TBC1D1: variants seen among roughly 807,000 people sequenced by gnomAD.
TBC1D1 encodes the protein TBC1 domain family member 1, also known as TBC1 (tre-2/USP6, BUB2, cdc16) domain family, member 1.
A neutral mutation model predicts 125.6 loss-of-function variants in TBC1D1; 89 were observed. The ratio of observed to expected loss-of-function variants is 0.71; its 90% CI spans 0.60 to 0.85. The LOEUF (loss-of-function observed/expected upper bound fraction) is 0.85. TBC1D1 is among the 40% of genes least tolerant of loss of function. The pLI, the probability that TBC1D1 is intolerant of heterozygous loss-of-function variation, is 0.00. For missense variants in TBC1D1, 1,377 were observed against 1,469.2 expected (o/e 0.94, Z 1.03); for synonymous variants, 565 against 564.1 (o/e 1.00, Z -0.02).
At chr4:37,957,232 T>C (rs1362951002) in intron 2 of TBC1D1, among the ~76,000 whole-genome samples, 1 of 152,234 alleles carries the variant, frequency 6.6e-6, no homozygotes, top group Non-Finnish European at 1.5e-5. Context: ...GAGACAAATG[T>C]ATGATACCTG....
chr4:38,102,919 A>C (rs1014358685), intron 14 of TBC1D1, 80 bp from the exon 17 acceptor site: 33 of 1,442,586 alleles, frequency 2.3e-5, no homozygotes, highest in Non-Finnish European at 3.0e-5. Context: ...GGATAAATGG[A>C]ACATGAAACA....
At chr4:37,907,973 A>G (rs1717694542) in intron 2 of TBC1D1, among the ~76,000 whole-genome samples, 1 of 152,170 alleles carries the variant, frequency 6.6e-6, no homozygotes, top group Non-Finnish European at 1.5e-5. Context: ...TGCTTCCTTT[A>G]AAGGGACTTT....
At chr4:38,048,652 A>G (rs1268328168) in intron 10 of TBC1D1, among the ~76,000 whole-genome samples, 2 of 150,306 alleles carry the variant, frequency 1.3e-5, no homozygotes, top group Non-Finnish European at 2.9e-5. Context: ...AGATGCATTC[A>G]TTCTTGTTTA....
In TBC1D1 at chr4:38,053,094, C is replaced by G. The variant is rs1167617389; in HGVS notation, c.1911-1105C>G. On this transcript the variant is annotated intron_variant, in intron 11 of 19. Coordinates refer to ENST00000261439, the MANE Select transcript of TBC1D1 (RefSeq NM_015173.4). ...TCTTTATCCTAAACTCTTTTTTCAA[C>G]CAAACTCTTAGCATCTCCTACCGTA... 1.4e-6 allele frequency: 2 copies of G among 1,417,200 alleles called. No individual in the cohort carries two copies. The highest frequency in any genetic ancestry group is 1.8e-6 in the Non-Finnish European group (2 of 1,083,506). 87.8% of individuals were successfully genotyped at this position (1,417,200 alleles called of 1,614,324 possible).
chr4:37,935,228 C>T (rs17579011), intron 2 of TBC1D1, among the ~76,000 whole-genome samples: 46,462 of 152,004 alleles, frequency 0.31, 7,331 homozygotes, highest in East Asian at 0.5. Context: ...GCTACTCCCA[C>T]GACCTCAGTA....
chr4:38,117,625 A>G (rs1262246237), intron 16 of TBC1D1, among the ~76,000 whole-genome samples: 3 of 152,194 alleles, frequency 2.0e-5, no homozygotes, highest in Non-Finnish European at 4.4e-5. Context: ...GAATCATAAG[A>G]TGCCCCTAAT....
chr4:38,130,726 G>A (rs922286246), intron 18 of TBC1D1, among the ~76,000 whole-genome samples: 5 of 152,230 alleles, frequency 3.3e-5, no homozygotes, highest in Non-Finnish European at 5.9e-5. Context: ...AGCCTCAGGA[G>A]TGACTCAGAC....
chr4:37,902,544 T>A (rs750865379), intron 2 of TBC1D1, 32 bp downstream of exon 2: 1 of 1,532,776 alleles, frequency 6.5e-7, no homozygotes, highest in Non-Finnish European at 8.8e-7. Flanking sequence ...AAGACTAAGG[T>A]GTGGCTGGCT....
intron 2 of TBC1D1, among the ~76,000 whole-genome samples, chr4:37,926,440 G>A (rs1052729285): frequency 5.9e-5 from 9 of 152,200 alleles, no homozygotes; most frequent in African/African-American, 2.2e-4. Flanking sequence ...CAGCAGAAGG[G>A]TGGTGAGTTC....
chr4:38,049,482 G>T, intron 10 of TBC1D1, 136 bp from the exon 11 acceptor site: 1 of 1,004,592 alleles, frequency 1.0e-6, no homozygotes, highest in Non-Finnish European at 1.5e-6. Context: ...TTCTGCTTTT[G>T]GTGGTGGCTT....
At chr4:38,060,639 A>G (rs1477303650) in intron 12 of TBC1D1, 42 of 1,289,174 alleles carry the variant, frequency 3.3e-5, no homozygotes, top group Non-Finnish European at 4.1e-5. Context: ...GTGGATCGCC[A>G]TCGTTGGCCT....
intron 12 of TBC1D1, chr4:38,060,551 A>G: frequency 2.0e-6 from 2 of 1,009,892 alleles, no homozygotes; most frequent in South Asian, 2.7e-5. Flanking sequence ...CATGAGAGAG[A>G]CATATTTGCT....
chr4:38,101,339 T>C (rs1222149546), intron 14 of TBC1D1, among the ~76,000 whole-genome samples: 1 of 152,222 alleles, frequency 6.6e-6, no homozygotes, highest in Non-Finnish European at 1.5e-5. Flanking sequence ...AAGAAAGACT[T>C]GGCATCTTAT....
At chr4:37,899,838 T>C (rs527482144) in intron 1 of TBC1D1, among the ~76,000 whole-genome samples, 20 of 152,228 alleles carry the variant, frequency 1.3e-4, no homozygotes, top group Non-Finnish European at 2.6e-4. Context: ...AAGGAAGGTG[T>C]GGCCGGGCGC....
intron 2 of TBC1D1, among the ~76,000 whole-genome samples, chr4:37,966,345 C>G (rs909465007): frequency 6.6e-6 from 1 of 152,168 alleles, no homozygotes. Context: ...TTCACCTCAC[C>G]CAGAGCAAAA....
intron 12 of TBC1D1, among the ~76,000 whole-genome samples, chr4:38,071,107 C>T (rs1247750215): frequency 6.6e-6 from 1 of 152,138 alleles, no homozygotes; most frequent in African/African-American, 2.4e-5. Flanking sequence ...AAATCAAGCC[C>T]CCAAAGGTAC....
At position 38,137,620 on chromosome 4, in the gene TBC1D1, C is replaced by A. The variant is rs1766862513; in HGVS notation, c.*285C>A. On this transcript the variant is annotated 3_prime_UTR_variant, in exon 20 of 20. Transcript: ENST00000261439. ...CGTGAATAAATGCAACTTATGTTTT[C>A]TTGTTGGTTCCTTTTTGAGTGTCAC... 1 of 350,438 alleles carries A rather than the reference C, an allele frequency of 2.9e-6. No homozygotes were observed. Among genetic ancestry groups the A allele is most frequent in the African/African-American group, 2.1e-5 (1 of 47,712 alleles). The allele number at this position is 350,438 out of a possible 1,614,324, so 21.7% of individuals were successfully genotyped here. A position where few individuals can be genotyped will look rare whatever the true frequency, so the allele number is the denominator to read the frequency against.
At chr4:37,945,847 G>C (rs1726592573) in intron 2 of TBC1D1, among the ~76,000 whole-genome samples, 1 of 152,138 alleles carries the variant, frequency 6.6e-6, no homozygotes, top group South Asian at 2.1e-4. Context: ...ACAAATATGG[G>C]TTAATTTTAA....
chr4:37,975,302 T>A (rs1732839639), intron 2 of TBC1D1, among the ~76,000 whole-genome samples: 1 of 152,194 alleles, frequency 6.6e-6, no homozygotes, highest in Non-Finnish European at 1.5e-5. Flanking sequence ...CAGAGACTTT[T>A]AGTACTTTCA....
Sources: allele counts gnomAD v4.1 joint callset (sites outside exome capture counted in the v4.1 genomes callset), GRCh38; gene constraint gnomAD v4.1.1; transcripts MANE v1.5; gene names NCBI Gene and HGNC (gene_info 2026-07-23, HGNC 2026-07-21).